The following MED12L variants were observed in gnomAD, a reference collection of about 807,000 sequenced individuals.
MED12L encodes the protein mediator of RNA polymerase II transcription subunit 12-like protein.
In MED12L, 60 loss-of-function variants were observed where a neutral mutation model predicts 281.3. That is an observed-to-expected ratio of 0.21 (90% confidence interval 0.17 to 0.26). MED12L has a LOEUF of 0.26. Among genes scored for constraint, MED12L ranks in the 10% least tolerant of loss-of-function variants. MED12L has a pLI of 1.00. For missense variants in MED12L, 2,146 were observed against 2,680.9 expected (o/e 0.80, Z 4.41); for synonymous variants, 974 against 987.2 (o/e 0.99, Z 0.25).
intron 41 of MED12L, among the ~76,000 whole-genome samples, chr3:151,412,182 C>G (rs1319305309): frequency 6.6e-6 from 1 of 152,144 alleles, no homozygotes; most frequent in African/African-American, 2.4e-5. Context: ...CAAATGTGGC[C>G]AGCAGGACTA....
At chr3:151,393,068 C>T (rs1714496264) in intron 38 of MED12L, among the ~76,000 whole-genome samples, 2 of 152,126 alleles carry the variant, frequency 1.3e-5, no homozygotes, top group Non-Finnish European at 2.9e-5. Context: ...TCTTCAAATG[C>T]TGCTGAATGA....
chr3:151,361,730 C>T (rs151046232), intron 21 of MED12L, among the ~76,000 whole-genome samples: 1 of 152,194 alleles, frequency 6.6e-6, no homozygotes, highest in African/African-American at 2.4e-5. Flanking sequence ...GTGCTTTGCT[C>T]TTGAAATCAC....
intron 39 of MED12L, among the ~76,000 whole-genome samples, chr3:151,399,830 C>CT (rs1394099937): frequency 4.6e-4 from 66 of 142,046 alleles, no homozygotes; most frequent in African/African-American, 4.4e-4. Flanking sequence ...TTCCTTCTTT[C>CT]TTTTTTTTTT....
At chr3:151,138,497 C>T (rs889309078) in intron 5 of MED12L, among the ~76,000 whole-genome samples, 6 of 152,096 alleles carry the variant, frequency 3.9e-5, no homozygotes, top group Admixed American at 3.3e-4. Context: ...TAGTTTTAAC[C>T]TAATGACCCT....
chr3:151,149,365 G>A (rs943734078), intron 5 of MED12L, among the ~76,000 whole-genome samples: 1 of 152,180 alleles, frequency 6.6e-6, no homozygotes, highest in Admixed American at 6.5e-5. Context: ...TGGTTTCGTA[G>A]TGCATATAAA....
At chr3:151,400,895 A>G (rs62285913) in intron 39 of MED12L, among the ~76,000 whole-genome samples, 10,001 of 152,220 alleles carry the variant, frequency 0.066, 487 homozygotes, top group Middle Eastern at 0.18. Context: ...ATTCTTCCAT[A>G]ATGCTGTAGA....
intron 16 of MED12L, among the ~76,000 whole-genome samples, chr3:151,332,143 C>G (rs1036275654): frequency 2.0e-5 from 3 of 152,158 alleles, no homozygotes; most frequent in Non-Finnish European, 4.4e-5. Context: ...AATGAAAAGT[C>G]ACAGAAATCA....
chr3:151,106,739 A>T (rs1364923079), intron 2 of MED12L, among the ~76,000 whole-genome samples: 2 of 152,124 alleles, frequency 1.3e-5, no homozygotes, highest in Non-Finnish European at 2.9e-5. Context: ...TTTCTGATGA[A>T]TTGACCTTTT....
At chr3:151,269,606 T>C (rs1390506877) in intron 16 of MED12L, 6 of 347,422 alleles carry the variant, frequency 1.7e-5, no homozygotes, top group Non-Finnish European at 3.4e-5. Flanking sequence ...TCTACATTAC[T>C]TGGGGAGGAA....
intron 17 of MED12L, among the ~76,000 whole-genome samples, chr3:151,352,923 A>G (rs1452075131): frequency 1.3e-5 from 2 of 152,206 alleles, no homozygotes; most frequent in African/African-American, 2.4e-5. Flanking sequence ...AAATTAACAT[A>G]AGAAAGATGA....
intron 2 of MED12L, among the ~76,000 whole-genome samples, chr3:151,116,091 T>G (rs1455908787): frequency 6.9e-6 from 1 of 143,964 alleles, no homozygotes; most frequent in Non-Finnish European, 1.5e-5. Context: ...AAAAAAAGAA[T>G]AGTATAAGGA....
At chr3:151,276,106 G>A (rs950046225) in intron 16 of MED12L, among the ~76,000 whole-genome samples, 1 of 152,216 alleles carries the variant, frequency 6.6e-6, no homozygotes, top group Admixed American at 6.5e-5. Flanking sequence ...TTTCAATTAT[G>A]CCCAGACAAC....
At chr3:151,105,082 C>T (rs1171031398) in intron 2 of MED12L, among the ~76,000 whole-genome samples, 4 of 152,154 alleles carry the variant, frequency 2.6e-5, no homozygotes. Flanking sequence ...AGTGTGGCTC[C>T]AGGGGCTGTC....
intron 20 of MED12L, 53 bp from the exon 21 acceptor site, chr3:151,360,421 A>T: frequency 6.5e-7 from 1 of 1,542,974 alleles, no homozygotes; most frequent in Non-Finnish European, 8.8e-7. Context: ...GTCAAATGAT[A>T]ACCCACATAG....
intron 8 of MED12L, among the ~76,000 whole-genome samples, chr3:151,163,001 A>C (rs1720196839): frequency 6.6e-6 from 1 of 152,176 alleles, no homozygotes; most frequent in Non-Finnish European, 1.5e-5. Flanking sequence ...ACTAAGTGTA[A>C]TTAGCTTAAT....
intron 16 of MED12L, among the ~76,000 whole-genome samples, chr3:151,194,712 G>A (rs1724419958): frequency 6.6e-6 from 1 of 152,192 alleles, no homozygotes; most frequent in African/African-American, 2.4e-5. Context: ...TTATTCTAAA[G>A]TGTAACAAAA....
intron 38 of MED12L, among the ~76,000 whole-genome samples, 162 bp from the exon 39 acceptor site, chr3:151,394,494 A>G (rs146638154): frequency 6.6e-6 from 1 of 152,220 alleles, no homozygotes; most frequent in African/African-American, 2.4e-5. Context: ...AAGTTATGCA[A>G]CTCAACAGGT....
At chr3:151,302,542 A>G (rs1329616680) in intron 16 of MED12L, among the ~76,000 whole-genome samples, 1 of 152,206 alleles carries the variant, frequency 6.6e-6, no homozygotes, top group African/African-American at 2.4e-5. Flanking sequence ...TATAAATGCC[A>G]GTTTCTGCTT....
chr3:151,294,390 C>T, intron 16 of MED12L: 5 of 1,614,006 alleles, frequency 3.1e-6, no homozygotes, highest in Non-Finnish European at 4.2e-6. Context: ...TGTGCAGATT[C>T]ATCTAAAAGC....
Sources: allele counts gnomAD v4.1 joint callset (sites outside exome capture counted in the v4.1 genomes callset), GRCh38; gene constraint gnomAD v4.1.1; transcripts MANE v1.5; gene names NCBI Gene and HGNC (gene_info 2026-07-23, HGNC 2026-07-21).